The following COG6 variants were observed in gnomAD, a reference collection of about 807,000 sequenced individuals.
COG6 encodes the protein component of oligomeric golgi complex 6.
Under a neutral mutation model 88.8 loss-of-function variants are expected in COG6, and 74 were observed. The observed-to-expected ratio is 0.83, with a 90% confidence interval of 0.69 to 1.01. The LOEUF (loss-of-function observed/expected upper bound fraction) is 1.01. COG6 is among the 50% of genes least tolerant of loss of function. The pLI is 0.00. For missense variants in COG6, 800 were observed against 797.9 expected (o/e 1.00, Z -0.03); for synonymous variants, 286 against 278.7 (o/e 1.03, Z -0.26).
chr13:39,708,266 G>C (rs1490498605), intron 13 of COG6, among the ~76,000 whole-genome samples: 1 of 152,150 alleles, frequency 6.6e-6, no homozygotes, highest in Non-Finnish European at 1.5e-5. Context: ...TTTCAAACAT[G>C]TGTTTGGATA....
At position 39,761,693 on chromosome 13, in the gene COG6, T is replaced by C. The variant is rs567710504; in HGVS notation, c.1827-26642T>C. ...CAACTGAGCAACAACAACAAAAATA[T>C]CCAATTTTAAAAATGGGCGAAAGAG... On this transcript the variant is annotated intron_variant, in intron 18 of 18. Coordinates refer to the COG6 transcript ENST00000416691. 2.1e-4 allele frequency among the ~76,000 whole-genome samples: 31 copies of C among 150,012 alleles called. No homozygotes were observed. The South Asian group carries it at 5.7e-3, about 27-fold the overall frequency.
intron 18 of COG6, among the ~76,000 whole-genome samples, chr13:39,776,137 TA>T (rs1881457763): frequency 6.6e-6 from 1 of 152,074 alleles, no homozygotes; most frequent in Non-Finnish European, 1.5e-5. Flanking sequence ...TTTTAAAAGA[TA>T]AAGAAAACAA....
At chr13:39,703,148 C>G (rs998183035) in intron 13 of COG6, among the ~76,000 whole-genome samples, 4 of 152,210 alleles carry the variant, frequency 2.6e-5, no homozygotes, top group African/African-American at 9.6e-5. Context: ...CCAGCAAATA[C>G]TGATTGTCCT....
chr13:39,686,877 G>T (rs1169094139), intron 8 of COG6, among the ~76,000 whole-genome samples: 4 of 151,682 alleles, frequency 2.6e-5, no homozygotes, highest in Admixed American at 2.0e-4. Flanking sequence ...CTATAGGCAT[G>T]CACCACCATG....
Position 39,687,793 on chromosome 13 carries a change from A to T in COG6, c.1003A>T (p.Thr335Ser). The T allele has an allele frequency of 6.2e-7, 1 of 1,611,366 alleles. No homozygotes were observed. Among genetic ancestry groups the T allele is most frequent in the Non-Finnish European group, 8.5e-7 (1 of 1,177,626 alleles). The change falls in exon 10 of 19, where the codon ACA (threonine) becomes TCA (serine). Residue 335 changes from threonine (T) to serine (S), a missense_variant. Transcript: ENST00000455146. ...HLEALLKHVTTQGVEENIQEV... is the reference protein window; with the variant it reads ...HLEALLKHVTSQGVEENIQEV... ...TGAAGCTCTCTTAAAGCATGTAACTACACAAGGTGGGTCCACCAATTGTAT... is the reference window on the plus strand; with the variant it reads ...TGAAGCTCTCTTAAAGCATGTAACTTCACAAGGTGGGTCCACCAATTGTAT...
At position 39,727,544 on chromosome 13, in the gene COG6, G is replaced by A. The variant is rs776501160; in HGVS notation, c.1822G>A (p.Val608Met). Residue 608 changes from valine (V) to methionine (M), a missense_variant, in exon 18 of 19, where the codon GTG becomes ATG. Physicochemically the swap from Val to Met is conservative, Grantham distance 21. Transcript: ENST00000455146. Reference protein sequence around the residue: ...PQLNFLLSATVKEQIVKQSTE... With the variant: ...PQLNFLLSATMKEQIVKQSTE... The stretch of plus-strand genomic sequence containing the variant: ...GCTGAACTTTCTTCTAAGTGCCACA[G>A]TGAAGTAAGTATTTTTGGTCCCAAG... The A allele has an allele frequency of 3.1e-6, 5 of 1,610,044 alleles. No homozygotes were observed. In the Admixed American group the frequency reaches 5.0e-5, roughly 16 times the overall value.
At chr13:39,691,031 G>A (rs923700692) in intron 11 of COG6, among the ~76,000 whole-genome samples, 8 of 151,620 alleles carry the variant, frequency 5.3e-5, no homozygotes, top group African/African-American at 1.9e-4. Flanking sequence ...ACTTTGATAA[G>A]TAAATTTTAC....
intron 18 of COG6, among the ~76,000 whole-genome samples, chr13:39,770,043 A>C (rs1881276085): frequency 6.6e-6 from 1 of 152,240 alleles, no homozygotes; most frequent in South Asian, 2.1e-4. Flanking sequence ...TGAACTCTTT[A>C]CCTTATAGTA....
intron 16 of COG6, 47 bp from the exon 17 acceptor site, chr13:39,724,461 C>A: frequency 7.2e-7 from 1 of 1,393,048 alleles, no homozygotes; most frequent in South Asian, 1.2e-5. Flanking sequence ...ATGTATATCT[C>A]CTTTTTTACA....
At chr13:39,721,474 A>G (rs532881858) in intron 15 of COG6, among the ~76,000 whole-genome samples, 1 of 152,094 alleles carries the variant, frequency 6.6e-6, no homozygotes, top group East Asian at 1.9e-4. Context: ...TCCAGTAGCA[A>G]TTTTCCCAGT....
At chr13:39,762,767 T>G (rs190403910) in intron 18 of COG6, among the ~76,000 whole-genome samples, 19 of 151,248 alleles carry the variant, frequency 1.3e-4, no homozygotes, top group African/African-American at 2.9e-4. Context: ...AAGAGTTTTT[T>G]TTTTTTTTTT....
intron 18 of COG6, among the ~76,000 whole-genome samples, chr13:39,773,350 G>A (rs572463946): frequency 2.0e-5 from 3 of 152,326 alleles, no homozygotes; most frequent in African/African-American, 7.2e-5. Flanking sequence ...ATGATCTTAA[G>A]CACTGGAGAT....
At chr13:39,746,689 G>A (rs934986812) in intron 18 of COG6, among the ~76,000 whole-genome samples, 3 of 152,140 alleles carry the variant, frequency 2.0e-5, no homozygotes. Flanking sequence ...AGACCAGGCA[G>A]ACAATATAGA....
In COG6 at chr13:39,665,740, T is replaced by A. The variant is rs533363649; in HGVS notation, c.428+586T>A. ...GAGTAGTATAGGGGGGGAGAAGCATTATATTATGATGCAGTATACTTGTCT... is the reference window on the plus strand; with the variant it reads ...GAGTAGTATAGGGGGGGAGAAGCATAATATTATGATGCAGTATACTTGTCT... On this transcript the variant is annotated intron_variant, in intron 4 of 18. Coordinates refer to ENST00000455146, the MANE Select transcript of COG6 (RefSeq NM_020751.3). Among the ~76,000 whole-genome samples, 7 of 152,328 alleles carry A rather than the reference T, an allele frequency of 4.6e-5. No homozygotes were observed. The South Asian group carries it at 1.4e-3, about 32-fold the overall frequency.
chr13:39,769,087 A>G (rs528914096), intron 18 of COG6, among the ~76,000 whole-genome samples: 3 of 152,286 alleles, frequency 2.0e-5, no homozygotes, highest in South Asian at 4.1e-4. Flanking sequence ...TCATTGCTGT[A>G]TAATCCACTG....
Position 39,675,142 on chromosome 13 carries a change from C to T in COG6, c.429-2326C>T, listed in dbSNP as rs184816172. Among the ~76,000 whole-genome samples the T allele has an allele frequency of 6.3e-4, 96 of 152,048 alleles. 2 individuals carry two copies. In the East Asian group the frequency reaches 0.014, roughly 21 times the overall value. Reference sequence around the variant, plus strand: ...GATTGCACAAACATAATCTTAAATACGCTAGAAGTTATAATTTATATGTTA... The same window carrying T: ...GATTGCACAAACATAATCTTAAATATGCTAGAAGTTATAATTTATATGTTA... On this transcript the variant is annotated intron_variant, in intron 4 of 18. Coordinates refer to ENST00000455146, the MANE Select transcript of COG6 (RefSeq NM_020751.3).
intron 18 of COG6, among the ~76,000 whole-genome samples, chr13:39,743,271 C>G (rs1413662164): frequency 4.0e-5 from 6 of 151,812 alleles, no homozygotes; most frequent in African/African-American, 1.2e-4. Context: ...AACTGAAGGA[C>G]ATAGAGACAC....
chr13:39,780,019 GC>G (rs1449636101), intron 18 of COG6, among the ~76,000 whole-genome samples: 1 of 152,198 alleles, frequency 6.6e-6, no homozygotes, highest in East Asian at 1.9e-4. Flanking sequence ...TTTAACCCAT[GC>G]AGGACTTAAA....
At chr13:39,723,957 G>C (rs1878990674) in intron 16 of COG6, among the ~76,000 whole-genome samples, 1 of 151,958 alleles carries the variant, frequency 6.6e-6, no homozygotes, top group Non-Finnish European at 1.5e-5. Context: ...TAGAACCCTA[G>C]TAGAAATAAA....
Sources: allele counts gnomAD v4.1 joint callset (sites outside exome capture counted in the v4.1 genomes callset), GRCh38; gene constraint gnomAD v4.1.1; transcripts MANE v1.5; gene names NCBI Gene and HGNC (gene_info 2026-07-23, HGNC 2026-07-21).